Variants in RERE observed in about 807,000 individuals in gnomAD.
RERE encodes arginine-glutamic acid dipeptide repeats, also known as arginine-glutamic acid dipeptide repeats protein.
In RERE, 40 loss-of-function variants were observed where a neutral mutation model predicts 146.1. The ratio of observed to expected loss-of-function variants is 0.27; its 90% confidence interval spans 0.21 to 0.36. The LOEUF (loss-of-function observed/expected upper bound fraction) is 0.36. RERE is among the 10% of genes least tolerant of loss of function. The probability of loss-of-function intolerance (pLI) is 1.00; values close to 1 mark genes in which losing one functional copy is unlikely to be tolerated. For missense variants in RERE, 1,933 were observed against 2,138.7 expected (o/e 0.90, Z 1.90); for synonymous variants, 1,003 against 866.0 (o/e 1.16, Z -2.78).
In RERE at chr1:8,360,452, AGGCAGGGGGCGGG is replaced by A; in HGVS notation, c.3042_3054del (p.Pro1016ThrfsTer61). The stretch of plus-strand genomic sequence containing the variant: ...TGGTGGAGGCCTGTAGGGGGGTGGG[AGGCAGGGGGCGGG>A]GGCAGGTTCTGGCTCTGGGTCAGCC... On this transcript the variant is annotated frameshift_variant, in exon 18 of 23. Coordinates refer to ENST00000400908, the MANE Select transcript of RERE (RefSeq NM_001042681.2). LOFTEE classifies it high-confidence loss of function. The A allele has an allele frequency of 1.9e-5, 1 of 52,462 alleles. No individual in the cohort carries two copies. The highest frequency in any genetic ancestry group is 3.3e-5 in the Non-Finnish European group (1 of 30,342). The allele number at this position is 52,462 out of a possible 1,614,324, so 3.2% of individuals were successfully genotyped here.
At position 8,501,056 on chromosome 1, in the gene RERE, C is replaced by T. The variant is rs1325720084; in HGVS notation, c.880-3527G>A. ...AGGGGGGGGGGGGGTCAGCCCCCCG[C>T]CCGGCCAGCCGCCCCGTCCGGGAGG... On this transcript the variant is annotated intron_variant, in intron 8 of 22. Coordinates refer to ENST00000400908, the MANE Select transcript of RERE (RefSeq NM_001042681.2). 5.5e-3 allele frequency among the ~76,000 whole-genome samples: 738 copies of T among 133,318 alleles called. 12 individuals carry two copies. The highest frequency in any genetic ancestry group is 0.021 in the African/African-American group (715 of 34,720). 87.5% of individuals were successfully genotyped at this position (133,318 alleles called of 152,430 possible).
At chr1:8,430,469 A>C (rs984105296) in intron 11 of RERE, among the ~76,000 whole-genome samples, 2 of 152,232 alleles carry the variant, frequency 1.3e-5, no homozygotes, top group African/African-American at 2.4e-5. Context: ...GATAATTTAA[A>C]ATAATCATCC....
chr1:8,639,121 G>A (rs1463259031), intron 2 of RERE, among the ~76,000 whole-genome samples: 1 of 152,054 alleles, frequency 6.6e-6, no homozygotes, highest in Non-Finnish European at 1.5e-5. Flanking sequence ...TGTACTCAAA[G>A]GGCAAAAGAA....
Position 8,361,793 on chromosome 1 carries a change from G to A in RERE, c.1986C>T (p.Asp662=), listed in dbSNP as rs368894680. 16 of 1,613,828 alleles carry A rather than the reference G, an allele frequency of 9.9e-6. No homozygotes were observed. The highest frequency in any genetic ancestry group is 1.4e-5 in the Non-Finnish European group (16 of 1,179,814). The change falls in exon 17 of 23, where the codon GAC becomes GAT. Residue 662 remains aspartate (D), a synonymous_variant. Transcript: ENST00000400908. ...EKVASDTEEA[D]RTSSKKTKTQ... ...TTTTTGTCTTCTTGGAGCTGGTCCT[G>A]TCAGCCTCCTCCGTATCAGAGGCCA...
chr1:8,540,413 G>A (rs1007201327), intron 7 of RERE, among the ~76,000 whole-genome samples: 7 of 152,100 alleles, frequency 4.6e-5, no homozygotes, highest in African/African-American at 9.7e-5. Context: ...GCACCTGGCC[G>A]GGGATGTTTT....
chr1:8,420,598 T>G (rs1570198454), intron 12 of RERE, among the ~76,000 whole-genome samples: 1 of 152,204 alleles, frequency 6.6e-6, no homozygotes, highest in East Asian at 1.9e-4. Flanking sequence ...ACTCCTCCAG[T>G]GCAATGCAAA....
At chr1:8,717,981 G>C (rs1324259730) in intron 1 of RERE, among the ~76,000 whole-genome samples, 2 of 152,160 alleles carry the variant, frequency 1.3e-5, no homozygotes, top group Non-Finnish European at 2.9e-5. Context: ...ATAGTACCAG[G>C]CAAGCTGGAA....
intron 12 of RERE, among the ~76,000 whole-genome samples, chr1:8,412,376 GACTC>G (rs1399158048): frequency 6.6e-6 from 1 of 152,158 alleles, no homozygotes; most frequent in African/African-American, 2.4e-5. Context: ...ATATGATGAT[GACTC>G]ACTAACAGAC....
chr1:8,789,343 A>C (rs1301956752), intron 1 of RERE, among the ~76,000 whole-genome samples: 1 of 141,540 alleles, frequency 7.1e-6, no homozygotes, highest in African/African-American at 2.7e-5. Context: ...ACTAAATGAA[A>C]GCCAAATACT....
intron 8 of RERE, among the ~76,000 whole-genome samples, chr1:8,498,006 T>A (rs1645068249): frequency 6.6e-6 from 1 of 152,230 alleles, no homozygotes; most frequent in Non-Finnish European, 1.5e-5. Flanking sequence ...CTTAAGACAG[T>A]CAATAGCAAT....
rs1205863489 is a variant in RERE at position 8,386,018 on chromosome 1, ATATATTTTTTTTTTT to A, written c.1285-20059_1285-20045del. On this transcript the variant is annotated intron_variant, in intron 12 of 22. Coordinates refer to ENST00000400908, the MANE Select transcript of RERE (RefSeq NM_001042681.2). ...AATATATATATATATATATATATAT[ATATATTTTTTTTTTT>A]TTTTTTTTTTTTTTTCTTGGTTCAC... Among the ~76,000 whole-genome samples, 318 of 41,862 alleles carry A rather than the reference ATATATTTTTTTTTTT, an allele frequency of 7.6e-3. 1 individual carries two copies. The highest frequency in any genetic ancestry group is 0.029 in the African/African-American group (285 of 9,838). The allele number at this position is 41,862 out of a possible 152,430, so 27.5% of individuals were successfully genotyped here. A position where few individuals can be genotyped will look rare whatever the true frequency, so the allele number is the denominator to read the frequency against.
At chr1:8,681,279 A>T (rs1570602005) in intron 1 of RERE, among the ~76,000 whole-genome samples, 2 of 152,260 alleles carry the variant, frequency 1.3e-5, no homozygotes, top group South Asian at 2.1e-4. Context: ...AATCATAAGG[A>T]TCTCATATAG....
intron 1 of RERE, among the ~76,000 whole-genome samples, chr1:8,783,365 G>C (rs1024419952): frequency 2.6e-5 from 4 of 152,140 alleles, no homozygotes; most frequent in African/African-American, 9.7e-5. Flanking sequence ...AGAAAATACT[G>C]TCGCTCTATC....
At chr1:8,599,965 C>T (rs1201370593) in intron 4 of RERE, among the ~76,000 whole-genome samples, 1 of 152,120 alleles carries the variant, frequency 6.6e-6, no homozygotes, top group Admixed American at 6.6e-5. Context: ...TGGCTGTGTC[C>T]CACCCAAATC....
chr1:8,416,538 AC>A, intron 12 of RERE, among the ~76,000 whole-genome samples: 5 of 148,760 alleles, frequency 3.4e-5, no homozygotes, highest in African/African-American at 7.4e-5. Context: ...GTGAGCCGAG[AC>A]TGCATAACTG....
intron 4 of RERE, among the ~76,000 whole-genome samples, chr1:8,596,082 TAC>T (rs769254345): frequency 1.3e-5 from 2 of 152,268 alleles, no homozygotes; most frequent in Non-Finnish European, 2.9e-5. Context: ...GAAACACGGC[TAC>T]ACAGTCATGC....
intron 1 of RERE, among the ~76,000 whole-genome samples, chr1:8,740,199 T>TA (rs1237742989): frequency 2.0e-5 from 3 of 152,346 alleles, no homozygotes; most frequent in African/African-American, 7.2e-5. Context: ...GTGAACATGA[T>TA]AGAGTGTAGT....
chr1:8,437,990 T>C (rs1227250001), intron 11 of RERE, among the ~76,000 whole-genome samples: 1 of 152,044 alleles, frequency 6.6e-6, no homozygotes, highest in Admixed American at 6.6e-5. Flanking sequence ...TATTATTATT[T>C]ATTATTATTT....
rs1641579127 is a variant in RERE at position 8,361,455 on chromosome 1, C to A, written c.2052G>T (p.Glu684Asp). ...CGCTGCGACTGTCTGAACTCTCTCC[C>A]TCACCTTCAGATGGCGAGTTGGGCC... ...ISRPNSPSEG[E>D]GESSDSRSVN... The change falls in exon 18 of 23, where the codon GAG (glutamate) becomes GAT (aspartate). Residue 684 changes from glutamate (E) to aspartate (D), a missense_variant. Coordinates refer to ENST00000400908, the MANE Select transcript of RERE (RefSeq NM_001042681.2). 1.9e-6 allele frequency: 3 copies of A among 1,613,170 alleles called. No homozygotes were observed. In the African/African-American group the frequency reaches 4.0e-5, roughly 22 times the overall value.
Sources: gnomAD v4.1 joint callset for allele counts (sites outside exome capture counted in the v4.1 genomes callset) on GRCh38, gnomAD v4.1.1 for gene constraint, MANE v1.5 for transcripts, NCBI Gene and HGNC (gene_info 2026-07-23, HGNC 2026-07-21) for gene names.